The following DHX30 variants were observed in gnomAD, a reference collection of about 807,000 sequenced individuals.
DHX30 encodes DExH-box helicase 30, also known as ATP-dependent RNA helicase DHX30.
DHX30 carries 4 observed loss-of-function variants against 116.9 expected under a neutral mutation model. That is an observed-to-expected ratio of 0.03 (90% CI 0.02 to 0.08). The LOEUF is 0.08. DHX30 is among the 10% of genes least tolerant of loss of function. The probability of loss-of-function intolerance (pLI) is 1.00; values close to 1 mark genes in which losing one functional copy is unlikely to be tolerated. For missense variants in DHX30, 871 were observed against 1,595.1 expected (o/e 0.55, Z 7.73); for synonymous variants, 697 against 651.7 (o/e 1.07, Z -1.06).
intron 4 of DHX30, chr3:47,819,138 C>G (rs2036183788): frequency 9.3e-7 from 1 of 1,072,848 alleles, no homozygotes; most frequent in African/African-American, 1.6e-5. Flanking sequence ...GACCATTTGA[C>G]TTAGGTTTTA....
Position 47,848,946 on chromosome 3 carries a change from C to T in DHX30, c.2796C>T (p.Ser932=), listed in dbSNP as rs150015186. 1.8e-5 allele frequency: 29 copies of T among 1,610,702 alleles called. No individual in the cohort carries two copies. The Middle Eastern group carries it at 1.3e-3, about 73-fold the overall frequency. ...TGAAAGCACTGTTGAGCCATGACAG[C>T]GGCAGTGACCACCTGGCCTTTGTGC... ...DKVKALLSHD[S]GSDHLAFVRA... is the part of the protein sequence containing the mutation. Residue 932 remains serine (S), a synonymous_variant, in exon 18 of 22, where the codon AGC becomes AGT. Transcript: ENST00000445061. This position sits in a 1 kb window ranked among gnomAD's most constrained non-coding sequence, Gnocchi z 9.4.
At position 47,848,557 on chromosome 3, in the gene DHX30, A is replaced by AGGGGC; in HGVS notation, c.2575+8_2575+12dup. On this transcript the variant is annotated splice_region_variant and intron_variant, in intron 16 of 21. Coordinates refer to ENST00000445061, the MANE Select transcript of DHX30 (RefSeq NM_138615.3). The surrounding 1 kb of genome is among the most constrained non-coding windows in gnomAD (Gnocchi z 9.4). ...ATCTTGCTCCAGGAGATCGGTATGT[A>AGGGGC]GGGGCTGGGCTGGGCTGGGCTGGGG... The AGGGGC allele has an allele frequency of 2.1e-6, 2 of 957,164 alleles. No homozygotes were observed. The highest frequency in any genetic ancestry group is 2.5e-5 in the South Asian group (2 of 79,736). 59.3% of individuals were successfully genotyped at this position (957,164 alleles called of 1,614,324 possible).
intron 4 of DHX30, among the ~76,000 whole-genome samples, chr3:47,826,342 C>G (rs1256568452): frequency 6.6e-6 from 1 of 152,014 alleles, no homozygotes. Context: ...GAAAAAGAAG[C>G]GAGGTACCTC....
chr3:47,819,903 A>C (rs1233191059), intron 4 of DHX30, among the ~76,000 whole-genome samples: 2 of 152,186 alleles, frequency 1.3e-5, no homozygotes, highest in African/African-American at 4.8e-5. Flanking sequence ...GATTTGAGAC[A>C]CAGCACCATG....
At chr3:47,829,251 C>T (rs1390941226) in intron 6 of DHX30, 117 bp downstream of exon 6, 4 of 402,908 alleles carry the variant, frequency 9.9e-6, no homozygotes, top group East Asian at 1.1e-4. Context: ...GAGCCCTTCC[C>T]ACTTCCTGAT....
At chr3:47,812,669 T>C (rs2035853612) in intron 3 of DHX30, among the ~76,000 whole-genome samples, 1 of 151,418 alleles carries the variant, frequency 6.6e-6, no homozygotes, top group Non-Finnish European at 1.5e-5. Flanking sequence ...TTTCCTTTTT[T>C]TTTTTTTTTG....
rs375502665 is a variant in DHX30 at position 47,818,010 on chromosome 3, C to T, written c.29-12C>T. 1.3e-6 allele frequency: 1 copy of T among 780,980 alleles called. No homozygotes were observed. Among genetic ancestry groups the T allele is most frequent in the Non-Finnish European group, 2.4e-6 (1 of 418,144 alleles). The allele number at this position is 780,980 out of a possible 1,614,324, so 48.4% of individuals were successfully genotyped here. On this transcript the variant is annotated splice_polypyrimidine_tract_variant and intron_variant, in intron 3 of 21. Coordinates refer to ENST00000445061, the MANE Select transcript of DHX30 (RefSeq NM_138615.3). ...AGAACATGTCGCCCTGATGCCCTCT[C>T]TCTTTCCCCAGATCGGGCCCAGCAC... is the stretch of plus-strand genomic sequence containing the variant.
intron 6 of DHX30, 79 bp downstream of exon 6, chr3:47,829,213 G>T (rs1200874773): frequency 4.3e-6 from 3 of 702,208 alleles, no homozygotes; most frequent in African/African-American, 1.9e-5. Flanking sequence ...GTAGAGGTTG[G>T]CCCAGTGTTC....
At position 47,847,833 on chromosome 3, in the gene DHX30, A is replaced by G. The variant is rs1002179549; in HGVS notation, c.2163A>G (p.Pro721=). ...MDQKAIFQQP[P]VGVRKIVLAT... is the part of the protein sequence containing the mutation. ...AGAAGGCCATATTCCAGCAGCCTCC[A>G]GTTGGGGTGCGCAAGATTGTCTTGG... The change falls in exon 14 of 22, where the codon CCA becomes CCG. Residue 721 remains proline, a synonymous_variant. Transcript: ENST00000445061. This position sits in a 1 kb window ranked among gnomAD's most constrained non-coding sequence, Gnocchi z 5.5. 1.9e-6 allele frequency: 3 copies of G among 1,614,110 alleles called. No individual in the cohort carries two copies. Among genetic ancestry groups the G allele is most frequent in the East Asian group, 2.2e-5 (1 of 44,896 alleles).
chr3:47,818,480 G>A lies in DHX30; in HGVS notation c.124+363G>A, dbSNP rs997207065. ...TGGCTCAGAGAGCAGGGTGCTTGTA[G>A]CAGGGCTGGAACAGATAGCCCTGAC... On this transcript the variant is annotated intron_variant, in intron 4 of 21. Transcript: ENST00000445061. Among the ~76,000 whole-genome samples the A allele has an allele frequency of 2.6e-5, 4 of 152,164 alleles. No homozygotes were observed. In the East Asian group the frequency reaches 7.7e-4, roughly 29 times the overall value.
chr3:47,836,924 C>G (rs1473142754), intron 6 of DHX30, among the ~76,000 whole-genome samples: 5 of 152,282 alleles, frequency 3.3e-5, no homozygotes, highest in Non-Finnish European at 2.9e-5. Flanking sequence ...TCTCTAATAG[C>G]TGTACTCCCA....
intron 3 of DHX30, among the ~76,000 whole-genome samples, chr3:47,814,992 G>A (rs895051766): frequency 6.6e-6 from 1 of 151,542 alleles, no homozygotes. Flanking sequence ...CCAAAGTGTT[G>A]GGACTACAGG....
At chr3:47,808,314 C>T (rs1027149071) in intron 2 of DHX30, among the ~76,000 whole-genome samples, 13 of 150,386 alleles carry the variant, frequency 8.6e-5, no homozygotes, top group Non-Finnish European at 1.8e-4. Flanking sequence ...AAATCCTGGG[C>T]GAAGTGATCC....
At chr3:47,839,650 C>G (rs923073071) in intron 6 of DHX30, among the ~76,000 whole-genome samples, 1 of 151,840 alleles carries the variant, frequency 6.6e-6, no homozygotes, top group South Asian at 2.1e-4. Context: ...GTATCCGTTT[C>G]ATGGTGTGGG....
Position 47,848,832 on chromosome 3 carries a change from C to T in DHX30, c.2769+15C>T, listed in dbSNP as rs1446542715. 1.2e-6 allele frequency: 2 copies of T among 1,603,302 alleles called. No homozygotes were observed. The highest frequency in any genetic ancestry group is 2.7e-5 in the African/African-American group (2 of 74,718). ...AGGTGGACAAGGTCAGTCCTGGCTC[C>T]TTCCTGGAGCCGTCCACCCACTGCT... is the stretch of plus-strand genomic sequence containing the variant. On this transcript the variant is annotated intron_variant, in intron 17 of 21. Coordinates refer to ENST00000445061, the MANE Select transcript of DHX30 (RefSeq NM_138615.3). This position sits in a 1 kb window ranked among gnomAD's most constrained non-coding sequence, Gnocchi z 9.4.
intron 2 of DHX30, among the ~76,000 whole-genome samples, chr3:47,808,847 G>T (rs1406270140): frequency 6.6e-6 from 1 of 151,572 alleles, no homozygotes; most frequent in East Asian, 1.9e-4. Flanking sequence ...AAAGTGCTGG[G>T]ATTACAGGCA....
chr3:47,827,763 G>A (rs1484972551), intron 5 of DHX30, among the ~76,000 whole-genome samples: 3 of 152,196 alleles, frequency 2.0e-5, no homozygotes, highest in Non-Finnish European at 4.4e-5. Flanking sequence ...CAGAGGGTTA[G>A]AGTTAATGAT....
Position 47,850,015 on chromosome 3 carries a change from TC to T in DHX30, c.3486del (p.Ser1163AlafsTer50). The part of the protein sequence containing the change: ...RSLRSELAAL[P>X]PSVQEEHGQL... The stretch of plus-strand genomic sequence containing the variant: ...GCCTGCGCAGCGAGCTGGCTGCACT[TC>T]CCCCCAGCGTACAGGAGGAGCACGG... On this transcript the variant is annotated frameshift_variant, in exon 22 of 22. Transcript: ENST00000445061. LOFTEE classifies it high-confidence loss of function. The T allele has an allele frequency of 6.2e-7, 1 of 1,610,690 alleles. No individual in the cohort carries two copies.
chr3:47,833,101 G>A (rs1268230560), intron 6 of DHX30, among the ~76,000 whole-genome samples: 1 of 151,648 alleles, frequency 6.6e-6, no homozygotes, highest in Non-Finnish European at 1.5e-5. Flanking sequence ...TTTTTTTATT[G>A]TCTTTATTTA....
Sources: allele counts gnomAD v4.1 joint callset (sites outside exome capture counted in the v4.1 genomes callset), GRCh38; gene constraint gnomAD v4.1.1; non-coding constraint Gnocchi (gnomAD v3.1); transcripts MANE v1.5; gene names NCBI Gene and HGNC (gene_info 2026-07-23, HGNC 2026-07-21).